DMD: variants seen among roughly 807,000 people sequenced by gnomAD.
The protein encoded by DMD is mutant dystrophin.
DMD carries 63 observed loss-of-function variants against 330.1 expected under a neutral mutation model. The ratio of observed to expected loss-of-function variants is 0.19; its 90% CI spans 0.16 to 0.24. The LOEUF (loss-of-function observed/expected upper bound fraction) is 0.24. Ranked by LOEUF, DMD falls within the 10% of genes least tolerant of loss-of-function variation. The pLI is 1.00. For synonymous variants in DMD, 1,223 were observed against 959.8 expected (o/e 1.27, Z -5.07); for missense variants, 3,344 against 2,684.1 (o/e 1.25, Z -5.43).
chrX:33,250,085 T>TTATA (rs560212408), intron 1 of DMD, among the ~76,000 whole-genome samples: 1,734 of 75,385 alleles, frequency 0.023, 49 homozygotes, highest in Admixed American at 0.046. Flanking sequence ...AAACTATTCA[T>TTATA]TATATATATA....
At chrX:32,825,322 G>A (rs2078610530) in intron 4 of DMD, among the ~76,000 whole-genome samples, 2 of 111,026 alleles carry the variant, frequency 1.8e-5, no homozygotes, top group Admixed American at 9.6e-5. Flanking sequence ...ACTTGTCACT[G>A]TGTAAGCAGG....
chrX:31,818,147 T>C lies in DMD; in HGVS notation c.7309+1828A>G, dbSNP rs181694504. ...CCTCAGATTCTGTGTGTCTAACAAA[T>C]ACCCATTGACATCAATCTGTAGACT... On this transcript the variant is annotated intron_variant, in intron 50 of 78. Coordinates refer to ENST00000357033, the MANE Select transcript of DMD (RefSeq NM_004006.3). Among the ~76,000 whole-genome samples, 22 of 112,248 alleles carry C rather than the reference T, an allele frequency of 2.0e-4. No homozygotes were observed. In the East Asian group the frequency reaches 5.1e-3, roughly 26 times the overall value.
intron 44 of DMD, among the ~76,000 whole-genome samples, chrX:32,197,536 T>C (rs180933946): frequency 9.0e-6 from 1 of 111,674 alleles, no homozygotes. Flanking sequence ...AGCAGTGAAC[T>C]TCAGGGGGTC....
intron 44 of DMD, among the ~76,000 whole-genome samples, chrX:32,145,886 C>T (rs1028448374): frequency 5.4e-5 from 6 of 111,502 alleles, no homozygotes; most frequent in Non-Finnish European, 1.1e-4. Context: ...TGTAAACTAT[C>T]GGTAGGATTA....
chrX:32,718,808 T>G (rs1218067645), intron 7 of DMD, among the ~76,000 whole-genome samples: 1 of 112,111 alleles, frequency 8.9e-6, no homozygotes, highest in Non-Finnish European at 1.9e-5. Context: ...TAAAAGACTT[T>G]CCTTATTGCT....
intron 9 of DMD, among the ~76,000 whole-genome samples, chrX:32,673,653 C>T (rs1290191919): frequency 9.0e-6 from 1 of 111,720 alleles, no homozygotes; most frequent in Non-Finnish European, 1.9e-5. Context: ...TTCCCTAAAG[C>T]ACTTTTGTGA....
intron 29 of DMD, among the ~76,000 whole-genome samples, chrX:32,418,972 CAAAAA>C (rs1160282195): frequency 1.1e-3 from 15 of 13,509 alleles, no homozygotes; most frequent in African/African-American, 2.2e-3. Flanking sequence ...GACTCTGTCT[CAAAAA>C]AAAAAAAAAA....
chrX:31,246,401 A>G (rs1270509080), intron 63 of DMD, among the ~76,000 whole-genome samples: 4 of 112,692 alleles, frequency 3.5e-5, no homozygotes, highest in Non-Finnish European at 1.9e-5. Context: ...GATGAAGCTA[A>G]GGTCATGGAT....
chrX:32,246,353 G>A lies in DMD; in HGVS notation c.6291-29290C>T, dbSNP rs1262147783. ...GGATAAGCTTTTTGATGTGCTGCTG[G>A]ATTCGGTATGCCAGTATTTTATTGA... is the stretch of plus-strand genomic sequence containing the variant. On this transcript the variant is annotated intron_variant, in intron 43 of 78. Coordinates refer to ENST00000357033, the MANE Select transcript of DMD (RefSeq NM_004006.3). Among the ~76,000 whole-genome samples, 170 of 101,278 alleles carry A rather than the reference G, an allele frequency of 1.7e-3. 2 individuals are homozygous for A. Among genetic ancestry groups the A allele is most frequent in the Non-Finnish European group, 1.7e-3 (87 of 49,964 alleles). 87.9% of individuals were successfully genotyped at this position (101,278 alleles called of 115,157 possible). A position where few individuals can be genotyped will look rare whatever the true frequency, so the allele number is the denominator to read the frequency against.
At chrX:32,257,630 C>T (rs2097304634) in intron 43 of DMD, among the ~76,000 whole-genome samples, 1 of 111,525 alleles carries the variant, frequency 9.0e-6, no homozygotes, top group Non-Finnish European at 1.9e-5. Context: ...AAAACGGAAA[C>T]TGGACCCCTT....
chrX:33,191,450 G>C (rs938255249), intron 1 of DMD, among the ~76,000 whole-genome samples: 22 of 109,884 alleles, frequency 2.0e-4, no homozygotes, highest in African/African-American at 7.3e-4. Flanking sequence ...TTGAGATAGA[G>C]TCTCGCTCTG....
At chrX:32,696,908 A>C (rs180986099) in intron 9 of DMD, among the ~76,000 whole-genome samples, 184 of 111,069 alleles carry the variant, frequency 1.7e-3, no homozygotes, top group Non-Finnish European at 2.1e-3. Flanking sequence ...AAAGCTTAGA[A>C]TTTTCAGCTA....
At chrX:33,058,526 C>T (rs1332404303) in intron 1 of DMD, among the ~76,000 whole-genome samples, 1 of 108,319 alleles carries the variant, frequency 9.2e-6, no homozygotes, top group African/African-American at 3.4e-5. Flanking sequence ...TAGTCTAAAA[C>T]TCCTGGCTTC....
intron 30 of DMD, among the ~76,000 whole-genome samples, chrX:32,400,161 G>A (rs1260690164): frequency 9.0e-6 from 1 of 111,713 alleles, no homozygotes; most frequent in African/African-American, 3.3e-5. Context: ...AGAATTTTTA[G>A]CATGAAGCGT....
intron 26 of DMD, among the ~76,000 whole-genome samples, chrX:32,451,502 T>A (rs1049741663): frequency 9.0e-6 from 1 of 110,956 alleles, no homozygotes; most frequent in African/African-American, 3.3e-5. Flanking sequence ...ATAAAAGTTT[T>A]AAAGTCAGAG....
chrX:32,448,616 T>C lies in DMD; in HGVS notation c.3626A>G (p.Gln1209Arg), dbSNP rs781592675. The change falls in exon 27 of 79, where the codon CAA becomes CGA. Residue 1209 changes from glutamine to arginine, a missense_variant. Physicochemically the swap from Gln to Arg is conservative, Grantham distance 43 (BLOSUM62 1). Transcript: ENST00000357033. ...AAGGAGTTTCACTTTCGCTTCTTTT[T>C]GTTGGGCCTCTTCTTTAGCTCTCTG... ...EMKRAKEEAQ[Q>R]KEAKVKLLTE... is the part of the protein sequence containing the mutation. The C allele has an allele frequency of 1.7e-6, 2 of 1,205,750 alleles. No homozygotes were observed. The highest frequency in any genetic ancestry group is 2.2e-6 in the Non-Finnish European group (2 of 892,568).
chrX:32,045,688 T>C (rs1186608289), intron 44 of DMD, among the ~76,000 whole-genome samples: 1 of 111,974 alleles, frequency 8.9e-6, no homozygotes, highest in Non-Finnish European at 1.9e-5. Flanking sequence ...GATCTTTGCT[T>C]CAAAAATTCA....
intron 1 of DMD, among the ~76,000 whole-genome samples, chrX:33,161,466 A>C (rs1171384326): frequency 8.9e-6 from 1 of 111,886 alleles, no homozygotes; most frequent in Non-Finnish European, 1.9e-5. Context: ...AGGAACCAGA[A>C]AGGGTGATAT....
rs767044038 is a variant in DMD, at chrX:32,346,092, C to A, written c.5449-12G>T. 3 of 1,206,055 alleles carry A rather than the reference C, an allele frequency of 2.5e-6. No individual in the cohort carries two copies. Among genetic ancestry groups the A allele is most frequent in the Admixed American group, 4.4e-5 (2 of 45,478 alleles). ...TCATTGTCTTCATTCTGATCAAAAA[C>A]AACAAGTACAGTCTTCATTTTGGTT... On this transcript the variant is annotated splice_polypyrimidine_tract_variant and intron_variant, in intron 38 of 78. Coordinates refer to ENST00000357033, the MANE Select transcript of DMD (RefSeq NM_004006.3).
Sources: gnomAD v4.1 joint callset for allele counts (sites outside exome capture counted in the v4.1 genomes callset) on GRCh38, gnomAD v4.1.1 for gene constraint, MANE v1.5 for transcripts, NCBI Gene and HGNC (gene_info 2026-07-23, HGNC 2026-07-21) for gene names.